CMTM7: variants seen among roughly 807,000 people sequenced by gnomAD.
The protein encoded by CMTM7 is CKLF like MARVEL transmembrane domain containing 7.
A neutral mutation model predicts 19.3 loss-of-function variants in CMTM7; 7 were observed. The observed-to-expected ratio is 0.36, with a 90% confidence interval of 0.21 to 0.68. The LOEUF (loss-of-function observed/expected upper bound fraction) is 0.68. Ranked by LOEUF, CMTM7 falls within the 30% of genes least tolerant of loss-of-function variation. The pLI is 0.60. For synonymous variants in CMTM7, 87 were observed against 99.3 expected (o/e 0.88, Z 0.74); for missense variants, 193 against 232.6 (o/e 0.83, Z 1.11).
intron 1 of CMTM7, among the ~76,000 whole-genome samples, chr3:32,394,722 A>T (rs1695889746): frequency 1.3e-5 from 2 of 151,672 alleles, no homozygotes; most frequent in Non-Finnish European, 2.9e-5. Context: ...CTTGAGAGGG[A>T]GTCTTGCTCT....
Position 32,454,466 on chromosome 3 carries a change from C to G in CMTM7, c.*212C>G. 1.4e-6 allele frequency: 1 copy of G among 707,304 alleles called. No individual in the cohort carries two copies. Among genetic ancestry groups the G allele is most frequent in the Non-Finnish European group, 2.6e-6 (1 of 388,738 alleles). The allele number at this position is 707,304 out of a possible 1,614,324, so 43.8% of individuals were successfully genotyped here. ...TCTTCCTCCAGCCTTCCGGGGAGAA[C>G]ATCCCTCCCATTCTGGGAAAGGAAA... On this transcript the variant is annotated 3_prime_UTR_variant, in exon 5 of 5. Transcript: ENST00000334983.
intron 1 of CMTM7, among the ~76,000 whole-genome samples, chr3:32,441,301 G>T (rs1575123865): frequency 6.6e-6 from 1 of 152,262 alleles, no homozygotes; most frequent in Admixed American, 6.5e-5. Flanking sequence ...TTGTCTACCT[G>T]GCAGGGTTCT....
At chr3:32,405,235 A>G (rs1212487065) in intron 1 of CMTM7, among the ~76,000 whole-genome samples, 2 of 152,262 alleles carry the variant, frequency 1.3e-5, no homozygotes, top group Non-Finnish European at 2.9e-5. Flanking sequence ...CTGTGAGAAG[A>G]TAAATGAATG....
chr3:32,408,155 A>T (rs1268141258), intron 1 of CMTM7, among the ~76,000 whole-genome samples: 2 of 152,216 alleles, frequency 1.3e-5, no homozygotes, highest in South Asian at 2.1e-4. Flanking sequence ...GAGTCTCCGG[A>T]GGGAGCACTG....
At chr3:32,438,788 A>C (rs929714427) in intron 1 of CMTM7, among the ~76,000 whole-genome samples, 2 of 152,220 alleles carry the variant, frequency 1.3e-5, no homozygotes, top group Non-Finnish European at 2.9e-5. Context: ...GGAGGCTCAG[A>C]GCAGGAAGAC....
At chr3:32,439,391 GA>G (rs1696643961) in intron 1 of CMTM7, among the ~76,000 whole-genome samples, 1 of 152,196 alleles carries the variant, frequency 6.6e-6, no homozygotes, top group South Asian at 2.1e-4. Context: ...AGGGGCTTTA[GA>G]AAATAAGAGC....
chr3:32,443,948 A>G (rs1696717108), intron 2 of CMTM7, among the ~76,000 whole-genome samples: 1 of 152,228 alleles, frequency 6.6e-6, no homozygotes, highest in African/African-American at 2.4e-5. Flanking sequence ...AATTCCTTCT[A>G]TAGTCTGGAT....
chr3:32,416,283 C>T (rs1208410998), intron 1 of CMTM7, among the ~76,000 whole-genome samples: 5 of 151,796 alleles, frequency 3.3e-5, no homozygotes, highest in Admixed American at 1.3e-4. Context: ...ACTGCAGCCT[C>T]CACCTCCCAG....
intron 1 of CMTM7, among the ~76,000 whole-genome samples, chr3:32,428,648 C>T (rs1465376008): frequency 6.6e-6 from 1 of 152,188 alleles, no homozygotes; most frequent in Non-Finnish European, 1.5e-5. Flanking sequence ...TTTCTGCTTA[C>T]ATAACATCTT....
At position 32,449,044 on chromosome 3, in the gene CMTM7, C is replaced by T. The variant is rs1014456856; in HGVS notation, c.334-410C>T. ...GAAAGGCAAATATCTCTTTAAGGTA[C>T]TTTGCTTCTCCGAGCTGGAGCTTTG... On this transcript the variant is annotated intron_variant, in intron 2 of 4. Coordinates refer to ENST00000334983, the MANE Select transcript of CMTM7 (RefSeq NM_138410.4). This position sits in a 1 kb window ranked among gnomAD's most constrained non-coding sequence, Gnocchi z 4.5. 1.3e-5 allele frequency among the ~76,000 whole-genome samples: 2 copies of T among 152,230 alleles called. No individual in the cohort carries two copies. The highest frequency in any genetic ancestry group is 3.8e-4 in the East Asian group (2 of 5,202).
chr3:32,431,678 T>G (rs1221457960), intron 1 of CMTM7, among the ~76,000 whole-genome samples: 1 of 152,128 alleles, frequency 6.6e-6, no homozygotes, highest in African/African-American at 2.4e-5. Context: ...AGCATAGTGG[T>G]TAGGAACAAG....
chr3:32,442,293 G>C (rs1050775615), intron 2 of CMTM7, among the ~76,000 whole-genome samples: 1 of 151,674 alleles, frequency 6.6e-6, no homozygotes, highest in Non-Finnish European at 1.5e-5. Context: ...GGCGGATCAC[G>C]AGGTCAGGAG....
intron 1 of CMTM7, among the ~76,000 whole-genome samples, chr3:32,414,241 C>A (rs1207581432): frequency 2.0e-5 from 3 of 152,202 alleles, no homozygotes; most frequent in African/African-American, 4.8e-5. Context: ...GACCAAATGA[C>A]CAAGCTACAT....
intron 1 of CMTM7, among the ~76,000 whole-genome samples, chr3:32,431,259 A>G (rs1696514194): frequency 6.6e-6 from 1 of 152,256 alleles, no homozygotes; most frequent in South Asian, 2.1e-4. Flanking sequence ...CTTGAAACAT[A>G]CAAACATGGA....
At chr3:32,447,353 A>G (rs1438124149) in intron 2 of CMTM7, among the ~76,000 whole-genome samples, 1 of 152,180 alleles carries the variant, frequency 6.6e-6, no homozygotes, top group Non-Finnish European at 1.5e-5. Context: ...TGTTCTGTGT[A>G]CATCTGAGAA....
At chr3:32,396,919 CTATT>C (rs1291024135) in intron 1 of CMTM7, among the ~76,000 whole-genome samples, 1 of 152,244 alleles carries the variant, frequency 6.6e-6, no homozygotes, top group Admixed American at 6.5e-5. Context: ...CACGTCCTAT[CTATT>C]TGTTCATTCA....
intron 1 of CMTM7, among the ~76,000 whole-genome samples, chr3:32,437,090 C>T (rs1317779902): frequency 1.3e-5 from 2 of 152,118 alleles, no homozygotes; most frequent in Non-Finnish European, 2.9e-5. Flanking sequence ...TGTCAGCTTC[C>T]TTCATCTCTT....
intron 1 of CMTM7, among the ~76,000 whole-genome samples, chr3:32,395,951 A>C (rs1459855958): frequency 6.6e-6 from 1 of 152,254 alleles, no homozygotes; most frequent in African/African-American, 2.4e-5. Flanking sequence ...AATATTATTC[A>C]GTCATAAAAA....
At chr3:32,421,323 C>G (rs1209957322) in intron 1 of CMTM7, among the ~76,000 whole-genome samples, 3 of 152,200 alleles carry the variant, frequency 2.0e-5, no homozygotes, top group African/African-American at 2.4e-5. Context: ...ATCCCCACCC[C>G]ATCCCGCCAG....
Sources: gnomAD v4.1 joint callset for allele counts (sites outside exome capture counted in the v4.1 genomes callset) on GRCh38, gnomAD v4.1.1 for gene constraint, Gnocchi (gnomAD v3.1) non-coding constraint, MANE v1.5 for transcripts, NCBI Gene and HGNC (gene_info 2026-07-23, HGNC 2026-07-21) for gene names.